Variants in KLHL20 observed in about 807,000 individuals in gnomAD.
KLHL20 encodes kelch-like protein 20.
A neutral mutation model predicts 69.5 loss-of-function variants in KLHL20; 29 were observed. The ratio of observed to expected loss-of-function variants is 0.42; its 90% confidence interval spans 0.31 to 0.57. KLHL20 has a LOEUF of 0.57. KLHL20 is among the 20% of genes least tolerant of loss of function. The pLI, the probability that KLHL20 is intolerant of heterozygous loss-of-function variation, is 0.18. For synonymous variants in KLHL20, 253 were observed against 265.2 expected, an observed-to-expected ratio of 0.95 and a Z score of 0.45; for missense variants, 419 against 776.0, an observed-to-expected ratio of 0.54 and a Z score of 5.47.
In KLHL20 at chr1:173,723,372, G is replaced by A. The variant is rs909529309; in HGVS notation, c.23+7306G>A. 5.8e-4 allele frequency among the ~76,000 whole-genome samples: 88 copies of A among 152,290 alleles called. 1 individual carries two copies. The highest frequency in any genetic ancestry group is 1.2e-3 in the Admixed American group (18 of 15,286). The stretch of plus-strand genomic sequence containing the variant: ...GTTTTAGTCTTTAAAATTGCCAAGC[G>A]TAAACAGTGATGTTTTTACCAGATG... On this transcript the variant is annotated intron_variant, in intron 2 of 11. Coordinates refer to ENST00000209884, the MANE Select transcript of KLHL20 (RefSeq NM_014458.4).
intron 3 of KLHL20, among the ~76,000 whole-genome samples, chr1:173,741,380 C>A (rs1476074348): frequency 6.6e-6 from 1 of 152,132 alleles, no homozygotes; most frequent in Non-Finnish European, 1.5e-5. Context: ...CCCTTCTGTC[C>A]ACCAGGATGA....
At chr1:173,721,267 T>G (rs1197662525) in intron 2 of KLHL20, among the ~76,000 whole-genome samples, 1 of 152,202 alleles carries the variant, frequency 6.6e-6, no homozygotes, top group Admixed American at 6.5e-5. Flanking sequence ...ATTTCCAATC[T>G]CGTATCTTTG....
chr1:173,769,603 C>A (rs1016155926), intron 8 of KLHL20, among the ~76,000 whole-genome samples: 1 of 151,916 alleles, frequency 6.6e-6, no homozygotes, highest in Non-Finnish European at 1.5e-5. Context: ...GCCTGGGCAA[C>A]ATAGCGAGAC....
chr1:173,744,251 T>C (rs1571884781), intron 3 of KLHL20, among the ~76,000 whole-genome samples: 2 of 152,292 alleles, frequency 1.3e-5, no homozygotes, highest in East Asian at 3.9e-4. Context: ...TAACTAAAGT[T>C]GAACATCTTT....
chr1:173,769,552 G>A (rs1558218172), intron 8 of KLHL20, among the ~76,000 whole-genome samples: 1 of 152,110 alleles, frequency 6.6e-6, no homozygotes, highest in Non-Finnish European at 1.5e-5. Flanking sequence ...ACTTTGGGAG[G>A]CCTAGGTGGG....
intron 4 of KLHL20, among the ~76,000 whole-genome samples, chr1:173,752,182 G>A (rs1242393653): frequency 6.6e-6 from 1 of 150,782 alleles, no homozygotes; most frequent in Non-Finnish European, 1.5e-5. Context: ...ATTGCAGTGA[G>A]CCGAGATCGT....
At chr1:173,749,041 C>T (rs908150651) in intron 3 of KLHL20, among the ~76,000 whole-genome samples, 1 of 152,022 alleles carries the variant, frequency 6.6e-6, no homozygotes, top group African/African-American at 2.4e-5. Flanking sequence ...TATTGAAATC[C>T]CAGTAAGGAA....
intron 8 of KLHL20, among the ~76,000 whole-genome samples, chr1:173,772,086 T>C (rs1648131262): frequency 6.6e-6 from 1 of 152,158 alleles, no homozygotes; most frequent in Admixed American, 6.5e-5. Context: ...TTTGAAAAAA[T>C]TTCTATATAT....
intron 9 of KLHL20, 57 bp from the exon 10 acceptor site, chr1:173,775,577 C>G (rs1648402207): frequency 1.4e-6 from 2 of 1,428,284 alleles, no homozygotes; most frequent in Non-Finnish European, 2.0e-6. Context: ...ATAAAGAAAA[C>G]TGGAGGTGAG....
At chr1:173,778,332 T>C (rs1648620272) in intron 10 of KLHL20, among the ~76,000 whole-genome samples, 2 of 151,970 alleles carry the variant, frequency 1.3e-5, no homozygotes, top group South Asian at 4.2e-4. Flanking sequence ...TCTCATTACT[T>C]TTTTGTTTTG....
In KLHL20 at chr1:173,734,238, T is replaced by C; in HGVS notation, c.549T>C (p.Arg183=). The change falls in exon 3 of 12, where the codon CGT becomes CGC. Residue 183 remains arginine (R), a synonymous_variant. Coordinates refer to ENST00000209884, the MANE Select transcript of KLHL20 (RefSeq NM_014458.4). ...IRAFADTHSC[R]ELLRIADKFT... is the part of the protein sequence containing the mutation. Reference sequence around the variant, plus strand: ...CTTTTGCTGACACACATTCATGTCGTGAGTTGCTAAGGATAGCAGACAAGT... The same window carrying C: ...CTTTTGCTGACACACATTCATGTCGCGAGTTGCTAAGGATAGCAGACAAGT... The C allele has an allele frequency of 6.2e-7, 1 of 1,614,150 alleles. No homozygotes were observed. The highest frequency in any genetic ancestry group is 8.5e-7 in the Non-Finnish European group (1 of 1,179,996).
chr1:173,771,101 G>A (rs1291189349), intron 8 of KLHL20, among the ~76,000 whole-genome samples: 1 of 152,180 alleles, frequency 6.6e-6, no homozygotes, highest in African/African-American at 2.4e-5. Flanking sequence ...CAAGAAAAAC[G>A]TGAGCCAAGG....
chr1:173,722,600 G>A (rs1366466085), intron 2 of KLHL20, among the ~76,000 whole-genome samples: 1 of 151,480 alleles, frequency 6.6e-6, no homozygotes, highest in African/African-American at 2.4e-5. Context: ...CTCAGTGACA[G>A]AGCAATACCT....
At chr1:173,783,425 T>G (rs1166806076) in intron 11 of KLHL20, among the ~76,000 whole-genome samples, 1 of 152,196 alleles carries the variant, frequency 6.6e-6, no homozygotes, top group East Asian at 1.9e-4. Flanking sequence ...AAGCCACAAC[T>G]CTCACAGAGA....
At chr1:173,779,723 AAT>A (rs1648729892) in intron 10 of KLHL20, among the ~76,000 whole-genome samples, 1 of 152,178 alleles carries the variant, frequency 6.6e-6, no homozygotes, top group African/African-American at 2.4e-5. Context: ...TATCTAAATT[AAT>A]ATTAGATCTA....
At chr1:173,730,228 A>G (rs1672196185) in intron 2 of KLHL20, among the ~76,000 whole-genome samples, 1 of 152,206 alleles carries the variant, frequency 6.6e-6, no homozygotes, top group East Asian at 1.9e-4. Context: ...GAGGACACAA[A>G]CAAATGGAAG....
intron 3 of KLHL20, among the ~76,000 whole-genome samples, chr1:173,735,934 A>ATTTTTTTTTTTTTTTTTTTTTTTTTTT (rs1558190601): frequency 7.9e-6 from 1 of 126,956 alleles, no homozygotes. Flanking sequence ...ATGCCATTCT[A>ATTTTTTTTTTTTTTTTTTTTTTTTTTT]TCTTTTTTTT....
intron 3 of KLHL20, among the ~76,000 whole-genome samples, chr1:173,746,233 A>G (rs938757962): frequency 2.0e-5 from 3 of 152,186 alleles, no homozygotes; most frequent in African/African-American, 7.2e-5. Flanking sequence ...AAATGATATT[A>G]GTCTTTAATT....
intron 8 of KLHL20, among the ~76,000 whole-genome samples, chr1:173,770,553 C>T (rs764525292): frequency 3.3e-5 from 5 of 151,670 alleles, no homozygotes; most frequent in African/African-American, 9.7e-5. Flanking sequence ...CAAAATTAGC[C>T]GGATGTGGTG....
Sources: gnomAD v4.1 joint callset for allele counts (sites outside exome capture counted in the v4.1 genomes callset) on GRCh38, gnomAD v4.1.1 for gene constraint, MANE v1.5 for transcripts, NCBI Gene and HGNC (gene_info 2026-07-23, HGNC 2026-07-21) for gene names.